Variants in PSG4 observed in about 807,000 individuals in gnomAD.
PSG4 encodes pregnancy specific beta-1-glycoprotein 4.
A neutral mutation model predicts 44.3 loss-of-function variants in PSG4; 61 were observed. The observed-to-expected ratio is 1.38, with a 90% CI of 1.12 to 1.70. The LOEUF (loss-of-function observed/expected upper bound fraction) is 1.70. Ranked by LOEUF, PSG4 falls within the 40% of genes most tolerant of loss-of-function variation. PSG4 has a pLI of 0.00. For synonymous variants in PSG4, 248 were observed against 191.3 expected, an observed-to-expected ratio of 1.30 and a Z score of -2.45; for missense variants, 677 against 511.7, an observed-to-expected ratio of 1.32 and a Z score of -3.12.
In PSG4 at chr19:43,204,225, G is replaced by A; in HGVS notation, c.91C>T (p.Pro31Ser). 4.4e-6 allele frequency: 7 copies of A among 1,579,880 alleles called. No individual in the cohort carries two copies. The highest frequency in any genetic ancestry group is 5.1e-6 in the Non-Finnish European group (6 of 1,167,364). ...TCAATCGTGACTTGGGCAGTTGTGG[G>A]CGGATTCCAGAAGTTTAAAAGTGAT... ...TASLLNFWNP[P>S]TTAQVTIEAQ... is the part of the protein sequence containing the mutation. The change falls in exon 2 of 6, where the codon CCC (proline) becomes TCC (serine). Residue 31 changes from proline to serine, a missense_variant. By Grantham distance (74) the Pro-to-Ser change is moderately conservative (BLOSUM62 -1). Coordinates refer to ENST00000405312, the MANE Select transcript of PSG4 (RefSeq NM_002780.5).
intron 3 of PSG4, among the ~76,000 whole-genome samples, chr19:43,195,567 C>G (rs1967208093): frequency 1.3e-5 from 2 of 151,296 alleles, no homozygotes; most frequent in Admixed American, 1.3e-4. Context: ...CCCTCCCAGT[C>G]CCTCCCTAAT....
At chr19:43,194,672 T>C (rs1967157420) in intron 4 of PSG4, 78 bp from the exon 5 acceptor site, 1 of 1,542,430 alleles carries the variant, frequency 6.5e-7, no homozygotes, top group Non-Finnish European at 8.7e-7. Flanking sequence ...AGGGACACAG[T>C]TACCCTCTAA....
rs1379326455 is a variant in PSG4, at chr19:43,201,559, C to T, written c.430+2327G>A. On this transcript the variant is annotated intron_variant, in intron 2 of 5. Coordinates refer to ENST00000405312, the MANE Select transcript of PSG4 (RefSeq NM_002780.5). ...ACCTATGACTAATGGCTCAGCCAGT[C>T]ATGTGGTCCCTACCTAGAGGCAGAT... Among the ~76,000 whole-genome samples, 2 of 145,360 alleles carry T rather than the reference C, an allele frequency of 1.4e-5. 1 individual carries two copies. Among genetic ancestry groups the T allele is most frequent in the African/African-American group, 5.3e-5 (2 of 37,780 alleles).
In PSG4 at chr19:43,192,748, G is replaced by C. The variant is rs561963177; in HGVS notation, c.*624C>G. On this transcript the variant is annotated 3_prime_UTR_variant, in exon 6 of 6. Coordinates refer to ENST00000405312, the MANE Select transcript of PSG4 (RefSeq NM_002780.5). The stretch of plus-strand genomic sequence containing the variant: ...TTATTCTGCTAGAATCAGTATTACT[G>C]TCACGTTTTACACTGTATCTCTTAG... The C allele has an allele frequency of 1.8e-5, 3 of 169,380 alleles. No homozygotes were observed. In the East Asian group the frequency reaches 4.6e-4, roughly 26 times the overall value. The allele number at this position is 169,380 out of a possible 1,614,324, so 10.5% of individuals were successfully genotyped here. A position where few individuals can be genotyped will look rare whatever the true frequency, so the allele number is the denominator to read the frequency against.
rs199644636 is a variant in PSG4 at position 43,194,995 on chromosome 19, A to G, written c.988T>C (p.Tyr330His). 7 of 1,611,204 alleles carry G rather than the reference A, an allele frequency of 4.3e-6. No individual in the cohort carries two copies. In the East Asian group the frequency reaches 1.3e-4, roughly 31 times the overall value. The change falls in exon 4 of 6, where the codon TAT (tyrosine) becomes CAT (histidine). Residue 330 changes from tyrosine to histidine, a missense_variant and splice_region_variant. Coordinates refer to ENST00000405312, the MANE Select transcript of PSG4 (RefSeq NM_002780.5). The stretch of plus-strand genomic sequence containing the variant: ...CCACAGAGGAACAAAAGATACTCAC[A>G]GAGGACATTCAGGGTGACTGGGTCA... ...RSDPVTLNVL[Y>H]GPDLPSIYPS...
intron 2 of PSG4, chr19:43,198,632 A>G: frequency 4.1e-6 from 1 of 245,278 alleles, no homozygotes; most frequent in Non-Finnish European, 7.4e-6. Context: ...CAGTGCTGGA[A>G]TCTTCTTAGT....
chr19:43,202,560 T>A lies in PSG4; in HGVS notation c.430+1326A>T, dbSNP rs1225154143. Among the ~76,000 whole-genome samples, 3 of 144,604 alleles carry A rather than the reference T, an allele frequency of 2.1e-5. 1 individual carries two copies. The East Asian group carries it at 7.2e-4, about 35-fold the overall frequency. 94.9% of individuals were successfully genotyped at this position (144,604 alleles called of 152,430 possible). ...TTATGTGAGAGCTCCTGAGTGTGTG[T>A]CTCTCGCTGGGCCTGTGCTGGTGCA... On this transcript the variant is annotated intron_variant, in intron 2 of 5. Transcript: ENST00000405312.
intron 5 of PSG4, chr19:43,194,094 A>T: frequency 8.0e-7 from 1 of 1,249,946 alleles, no homozygotes; most frequent in Non-Finnish European, 1.1e-6. Context: ...CAATATTGTC[A>T]ATTATTTCAA....
At chr19:43,193,785 T>G in intron 5 of PSG4, 1 of 536,746 alleles carries the variant, frequency 1.9e-6, no homozygotes, top group South Asian at 2.4e-5. Context: ...AGTCAAAGCC[T>G]TGGTAATATA....
intron 4 of PSG4, 182 bp downstream of exon 4, chr19:43,194,813 C>A: frequency 7.0e-7 from 1 of 1,438,548 alleles, no homozygotes; most frequent in South Asian, 1.4e-5. Flanking sequence ...GTCCCCTCCC[C>A]TTATATTCTT....
rs921896590 is a variant in PSG4, at chr19:43,204,489, T to C, written c.65-238A>G. On this transcript the variant is annotated intron_variant, in intron 1 of 5. Coordinates refer to ENST00000405312, the MANE Select transcript of PSG4 (RefSeq NM_002780.5). ...ACTTCTGACCTTGGCATTTTTCTTT[T>C]TGGATTCCTCTTCCCCAGGGGTCCG... 9.8e-5 allele frequency: 58 copies of C among 592,540 alleles called. 3 individuals carry two copies. Among genetic ancestry groups the C allele is most frequent in the Non-Finnish European group, 1.3e-4 (51 of 384,224 alleles). The allele number at this position is 592,540 out of a possible 1,614,324, so 36.7% of individuals were successfully genotyped here.
chr19:43,195,762 G>T (rs4239517), intron 3 of PSG4, among the ~76,000 whole-genome samples: 103,234 of 149,698 alleles, frequency 0.69, 36,666 homozygotes, highest in East Asian at 0.93. Context: ...ATACTGAGCA[G>T]TCTGGCCTGG....
intron 3 of PSG4, among the ~76,000 whole-genome samples, chr19:43,195,813 G>A (rs1361117283): frequency 2.7e-5 from 4 of 150,214 alleles, no homozygotes; most frequent in African/African-American, 9.9e-5. Flanking sequence ...AGAGACCAGA[G>A]TCAAGCCTGG....
At position 43,194,503 on chromosome 19, in the gene PSG4, T is replaced by C; in HGVS notation, c.1080A>G (p.Pro360=). 6.2e-7 allele frequency: 1 copy of C among 1,612,458 alleles called. No homozygotes were observed. The highest frequency in any genetic ancestry group is 8.5e-7 in the Non-Finnish European group (1 of 1,179,126). ...LYLSCFAESN[P]RAQYSWTING... ...TAATTGTCCAAGAATATTGTGCCCG[T>C]GGGTTAGACTCGGCGAAGCAGGACA... The change falls in exon 5 of 6, where the codon CCA becomes CCG. Residue 360 remains proline, a synonymous_variant. Coordinates refer to ENST00000405312, the MANE Select transcript of PSG4 (RefSeq NM_002780.5).
rs749552851 is a variant in PSG4, at chr19:43,198,084, T to G, written c.622A>C (p.Thr208Pro). 1.3e-6 allele frequency: 2 copies of G among 1,587,852 alleles called. No individual in the cohort carries two copies. The highest frequency in any genetic ancestry group is 2.2e-5 in the South Asian group (2 of 89,936). ...TNRTLFIFGV[T>P]KYIAGPYECE... The stretch of plus-strand genomic sequence containing the variant: ...TCATAGGGTCCTGCAATATACTTTG[T>G]GACACCAAATATAAAGAGGGTCCTG... The change falls in exon 3 of 6, where the codon ACA (threonine) becomes CCA (proline). Residue 208 changes from threonine (T) to proline (P), a missense_variant. By Grantham distance (38) the Thr-to-Pro change is conservative. Coordinates refer to ENST00000405312, the MANE Select transcript of PSG4 (RefSeq NM_002780.5).
Position 43,194,651 on chromosome 19 carries a change from TGGTCTC to T in PSG4, c.989-63_989-58del. ...GTCATCCGAGGGAAGGGGATGTTCC[TGGTCTC>T]TTAAAGGGACACAGTTACCCTCTAA... On this transcript the variant is annotated intron_variant, in intron 4 of 5. Coordinates refer to ENST00000405312, the MANE Select transcript of PSG4 (RefSeq NM_002780.5). The T allele has an allele frequency of 2.5e-6, 4 of 1,569,302 alleles. 1 individual carries two copies. The highest frequency in any genetic ancestry group is 2.6e-6 in the Non-Finnish European group (3 of 1,156,984).
At chr19:43,202,706 G>A (rs574293003) in intron 2 of PSG4, among the ~76,000 whole-genome samples, 3 of 144,558 alleles carry the variant, frequency 2.1e-5, no homozygotes, top group African/African-American at 8.0e-5. Context: ...TGAGGGGGAG[G>A]CCTGGACATA....
Position 43,204,834 on chromosome 19 carries a change from C to A in PSG4, c.65-583G>T, listed in dbSNP as rs1324963242. ...TCCACCCTCTGGATGTTTCTTTTTC[C>A]CCCCAATTGTTGAGGTTTCTTGCTG... is the stretch of plus-strand genomic sequence containing the variant. On this transcript the variant is annotated intron_variant, in intron 1 of 5. Coordinates refer to ENST00000405312, the MANE Select transcript of PSG4 (RefSeq NM_002780.5). 4.7e-6 allele frequency: 2 copies of A among 425,440 alleles called. 1 individual carries two copies. Among genetic ancestry groups the A allele is most frequent in the East Asian group, 2.7e-4 (2 of 7,278 alleles). 26.4% of individuals were successfully genotyped at this position (425,440 alleles called of 1,614,324 possible).
Position 43,195,179 on chromosome 19 carries a change from G to T in PSG4, c.804C>A (p.Asn268Lys), listed in dbSNP as rs994694373. ...CATTTAGCCACCAAATGTAGGTGTA[G>T]TTCTTACTCTTAGGTTCACAGGTGA... ...LTFTCEPKSK[N>K]YTYIWWLNGQ... The change falls in exon 4 of 6, where the codon AAC becomes AAA. Residue 268 changes from asparagine (N) to lysine (K), a missense_variant. Transcript: ENST00000405312. The T allele has an allele frequency of 4.3e-6, 7 of 1,610,142 alleles. No individual in the cohort carries two copies. In the African/African-American group the frequency reaches 5.4e-5, roughly 12 times the overall value.
Sources: gnomAD v4.1 joint callset for allele counts (sites outside exome capture counted in the v4.1 genomes callset) on GRCh38, gnomAD v4.1.1 for gene constraint, MANE v1.5 for transcripts, NCBI Gene and HGNC (gene_info 2026-07-23, HGNC 2026-07-21) for gene names.